Variants in DCAKD observed in about 807,000 individuals in gnomAD.
The protein encoded by DCAKD is dephospho-CoA kinase domain containing, also known as dephospho-CoA kinase domain-containing protein.
Under a neutral mutation model 18.7 loss-of-function variants are expected in DCAKD, and 15 were observed. The observed-to-expected ratio is 0.80, with a 90% CI of 0.54 to 1.24. DCAKD has a LOEUF of 1.24. Ranked by LOEUF, DCAKD falls within the 50% of genes most tolerant of loss-of-function variation. The pLI, the probability that DCAKD is intolerant of heterozygous loss-of-function variation, is 0.00. For missense variants in DCAKD, 301 were observed against 322.0 expected (o/e 0.93, Z 0.50); for synonymous variants, 130 against 133.0 (o/e 0.98, Z 0.16).
chr17:45,043,581 A>G (rs1203894653), intron 1 of DCAKD, among the ~76,000 whole-genome samples: 1 of 152,200 alleles, frequency 6.6e-6, no homozygotes, highest in African/African-American at 2.4e-5. Flanking sequence ...GCAAAGAGCC[A>G]GAAAATTAGC....
At chr17:45,039,179 AAG>A (rs1406336414) in intron 1 of DCAKD, among the ~76,000 whole-genome samples, 3 of 152,170 alleles carry the variant, frequency 2.0e-5, no homozygotes, top group Non-Finnish European at 2.9e-5. Flanking sequence ...AAAGCTCAGC[AAG>A]GAGGAAATAG....
intron 3 of DCAKD, chr17:45,033,886 T>C: frequency 7.5e-7 from 1 of 1,331,586 alleles, no homozygotes; most frequent in South Asian, 1.4e-5. Flanking sequence ...ATGGCTCCAT[T>C]ATTCACCAGC....
chr17:45,044,902 C>G (rs1042430711), intron 1 of DCAKD, among the ~76,000 whole-genome samples: 5 of 152,140 alleles, frequency 3.3e-5, no homozygotes, highest in Non-Finnish European at 7.4e-5. Flanking sequence ...TGCACCACTG[C>G]TCTCAATGGA....
At chr17:45,037,085 C>T (rs1490145492) in intron 1 of DCAKD, among the ~76,000 whole-genome samples, 4 of 152,120 alleles carry the variant, frequency 2.6e-5, no homozygotes, top group Non-Finnish European at 5.9e-5. Flanking sequence ...ATTCTCACCC[C>T]GGAAAGCCAG....
chr17:45,041,019 C>T (rs775338483), intron 1 of DCAKD, among the ~76,000 whole-genome samples: 3 of 152,036 alleles, frequency 2.0e-5, no homozygotes, highest in African/African-American at 2.4e-5. Context: ...AGTTCTAATC[C>T]CACTAGGCCC....
chr17:45,029,797 A>G (rs2053137033), intron 4 of DCAKD, among the ~76,000 whole-genome samples: 1 of 152,086 alleles, frequency 6.6e-6, no homozygotes, highest in Admixed American at 6.6e-5. Flanking sequence ...GGAGCCACTG[A>G]GTAACAGTGG....
chr17:45,047,942 T>G (rs1470403075), intron 1 of DCAKD, among the ~76,000 whole-genome samples: 1 of 152,204 alleles, frequency 6.6e-6, no homozygotes, highest in African/African-American at 2.4e-5. Context: ...TTGTTAACAT[T>G]GTTTTTATCA....
chr17:45,045,058 C>G (rs1031009838), intron 1 of DCAKD, among the ~76,000 whole-genome samples: 5 of 149,852 alleles, frequency 3.3e-5, no homozygotes, highest in African/African-American at 9.7e-5. Flanking sequence ...ATACCTTTAT[C>G]TAGGTATCTA....
At chr17:45,035,080 C>CA (rs2053264056) in intron 1 of DCAKD, 81 bp from the exon 2 acceptor site, 1 of 584,998 alleles carries the variant, frequency 1.7e-6, no homozygotes, top group South Asian at 2.0e-5. Flanking sequence ...TAAAGGGAGA[C>CA]AGCTTGGCTG....
intron 3 of DCAKD, chr17:45,031,690 G>C (rs1304347758): frequency 2.7e-5 from 27 of 985,228 alleles, no homozygotes; most frequent in Non-Finnish European, 3.3e-5. Flanking sequence ...TCCTTTCTCC[G>C]GCCCCTCTGG....
At position 45,023,634 on chromosome 17, in the gene DCAKD, GAAATAAAAGA is replaced by G. The variant is rs899976523; in HGVS notation, c.*789_*798del. 10 of 138,712 alleles carry G rather than the reference GAAATAAAAGA, an allele frequency of 7.2e-5. No individual in the cohort carries two copies. The Admixed American group carries it at 7.2e-4, about 10-fold the overall frequency. The allele number at this position is 138,712 out of a possible 1,614,324, so 8.6% of individuals were successfully genotyped here. On this transcript the variant is annotated 3_prime_UTR_variant, in exon 5 of 5. Transcript: ENST00000651974. ...AAAAAAAAAAAAAAAAAAGGAAGAA[GAAATAAAAGA>G]AAATAAAAGGTATCCCAGGCCAGGA...
upstream of DCAKD, among the ~76,000 whole-genome samples, chr17:45,053,193 A>C (rs961248338): frequency 1.5e-4 from 22 of 143,770 alleles, no homozygotes; most frequent in East Asian, 3.9e-3. Flanking sequence ...AAAAAAAAAA[A>C]AAACTAGTTA....
At chr17:45,052,830 T>C (rs2053734974), upstream of DCAKD, among the ~76,000 whole-genome samples, 3 of 150,304 alleles carry the variant, frequency 2.0e-5, no homozygotes, top group Admixed American at 1.3e-4. Flanking sequence ...ACCACTGCAC[T>C]CCAGCCTGGG....
Position 45,030,087 on chromosome 17 carries a change from C to T in DCAKD, c.404+5G>A, listed in dbSNP as rs1342490127. ...CCTTCCAGCCAGGGCATGCTACACA[C>T]TCACCAGTATACTACCACGGTGTGC... On this transcript the variant is annotated splice_donor_5th_base_variant and intron_variant, in intron 4 of 4. Transcript: ENST00000651974. 2 of 1,612,476 alleles carry T rather than the reference C, an allele frequency of 1.2e-6. No individual in the cohort carries two copies. The highest frequency in any genetic ancestry group is 1.7e-6 in the Non-Finnish European group (2 of 1,178,634).
chr17:45,058,628 G>C (rs998689552), intron 1 of DCAKD, among the ~76,000 whole-genome samples: 17 of 151,096 alleles, frequency 1.1e-4, no homozygotes, highest in Admixed American at 7.3e-4. Flanking sequence ...CGCCACGTTG[G>C]CCAGGCTGGT....
chr17:45,040,453 G>C (rs1321666934), intron 1 of DCAKD, among the ~76,000 whole-genome samples: 1 of 151,598 alleles, frequency 6.6e-6, no homozygotes, highest in Admixed American at 6.6e-5. Flanking sequence ...GGTGGCCTGG[G>C]AATCTTCCTC....
chr17:45,025,744 CTTTTTTTTTT>C (rs66731834), intron 4 of DCAKD, among the ~76,000 whole-genome samples: 1 of 103,854 alleles, frequency 9.6e-6, no homozygotes, highest in Non-Finnish European at 1.8e-5. Flanking sequence ...TTGGTTCCTT[CTTTTTTTTTT>C]TTTTTTTTTT....
At chr17:45,054,207 C>A, upstream of DCAKD, 1 of 506,828 alleles carries the variant, frequency 2.0e-6, no homozygotes. Context: ...TATACATGTA[C>A]ATGTCCCATG....
At chr17:45,035,676 T>C (rs1479482721) in intron 1 of DCAKD, among the ~76,000 whole-genome samples, 1 of 152,086 alleles carries the variant, frequency 6.6e-6, no homozygotes, top group Non-Finnish European at 1.5e-5. Flanking sequence ...AGATGCCCAC[T>C]GGTCCCCCTG....
Sources: allele counts gnomAD v4.1 joint callset (sites outside exome capture counted in the v4.1 genomes callset), GRCh38; gene constraint gnomAD v4.1.1; transcripts MANE v1.5; gene names NCBI Gene and HGNC (gene_info 2026-07-23, HGNC 2026-07-21).